The following MEIOC variants were observed in gnomAD, a reference collection of about 807,000 sequenced individuals.
The protein encoded by MEIOC is meiosis specific with coiled-coil domain.
A neutral mutation model predicts 85.3 loss-of-function variants in MEIOC; 9 were observed. That is an observed-to-expected ratio of 0.11 (90% CI 0.06 to 0.18). The LOEUF (loss-of-function observed/expected upper bound fraction) is 0.18, where lower values mean the gene tolerates loss of function less well. MEIOC is among the 10% of genes least tolerant of loss of function. The pLI, the probability that MEIOC is intolerant of heterozygous loss-of-function variation, is 1.00. For synonymous variants in MEIOC, 365 were observed against 393.7 expected (o/e 0.93, Z 0.86); for missense variants, 898 against 1,129.4 (o/e 0.80, Z 2.94).
chr17:44,662,183 A>T, intron 2 of MEIOC, 134 bp from the exon 3 acceptor site: 1 of 713,012 alleles, frequency 1.4e-6, no homozygotes, highest in South Asian at 2.0e-5. Flanking sequence ...AAGCAAGCTT[A>T]AGTCACTAAG....
At chr17:44,669,726 G>A (rs941634431) in intron 6 of MEIOC, 1 of 481,848 alleles carries the variant, frequency 2.1e-6, no homozygotes, top group African/African-American at 2.0e-5. Flanking sequence ...TGGGGGTGGT[G>A]GCATGCGCCT....
chr17:44,674,005 G>A lies in MEIOC; in HGVS notation c.2668G>A (p.Glu890Lys). 1.3e-6 allele frequency: 2 copies of A among 1,551,606 alleles called. No homozygotes were observed. The highest frequency in any genetic ancestry group is 1.7e-6 in the Non-Finnish European group (2 of 1,146,934). The change falls in exon 8 of 8, where the codon GAG becomes AAG. Residue 890 changes from glutamate to lysine, a missense_variant. Around this residue, in one of 2 missense-constraint regions of MEIOC, gnomAD observed 164 missense variants for 269.2 expected, o/e 0.61. Coordinates refer to ENST00000409122, the MANE Select transcript of MEIOC (RefSeq NM_001145080.3). Reference sequence around the variant, plus strand: ...TTTTGCCCTTGCTTCTGCAATTAAAGAGATGTGTGTGGCTACTCGGAAAAC... The same window carrying A: ...TTTTGCCCTTGCTTCTGCAATTAAAAAGATGTGTGTGGCTACTCGGAAAAC... Reference protein sequence around the residue: ...DVFALASAIKEMCVATRKTRT... With the variant: ...DVFALASAIKKMCVATRKTRT...
intron 2 of MEIOC, 42 bp downstream of exon 2, chr17:44,657,303 A>G (rs1971776325): frequency 6.5e-7 from 1 of 1,533,272 alleles, no homozygotes; most frequent in Non-Finnish European, 8.8e-7. Flanking sequence ...ATTTATTCTC[A>G]AATGGATTTA....
At chr17:44,656,780 G>A (rs1405979755) in intron 1 of MEIOC, 98 bp downstream of exon 1, 1 of 835,694 alleles carries the variant, frequency 1.2e-6, no homozygotes, top group Non-Finnish European at 1.7e-6. Flanking sequence ...TAGACGGGGC[G>A]GCAGAGGCGG....
rs1487700403 is a variant in MEIOC at position 44,662,498 on chromosome 17, T to C, written c.359+27T>C. 3 of 1,440,704 alleles carry C rather than the reference T, an allele frequency of 2.1e-6. No homozygotes were observed. In the Admixed American group the frequency reaches 7.7e-5, roughly 37 times the overall value. 89.2% of individuals were successfully genotyped at this position (1,440,704 alleles called of 1,614,324 possible). The stretch of plus-strand genomic sequence containing the variant: ...TAAATTAATTCATTTCTCAAGGTAA[T>C]TGAGGTATTTTTAAATTTAATTACA... On this transcript the variant is annotated intron_variant, in intron 3 of 7. Coordinates refer to ENST00000409122, the MANE Select transcript of MEIOC (RefSeq NM_001145080.3).
At chr17:44,658,966 CAT>C (rs376933570) in intron 2 of MEIOC, among the ~76,000 whole-genome samples, 25 of 151,452 alleles carry the variant, frequency 1.7e-4, no homozygotes, top group African/African-American at 5.6e-4. Context: ...TTGGTACAAA[CAT>C]ATTTTTGATA....
intron 3 of MEIOC, 140 bp from the exon 4 acceptor site, chr17:44,665,244 T>G: frequency 5.6e-6 from 5 of 899,042 alleles, no homozygotes; most frequent in Non-Finnish European, 7.4e-6. Flanking sequence ...GAAAATATTC[T>G]TGAGTTCTAG....
chr17:44,656,645 GCCCTCAC>G lies in MEIOC; in HGVS notation c.39_45del (p.His13GlnfsTer3). 1 of 1,489,088 alleles carries G rather than the reference GCCCTCAC, an allele frequency of 6.7e-7. No individual in the cohort carries two copies. Among genetic ancestry groups the G allele is most frequent in the Non-Finnish European group, 8.9e-7 (1 of 1,118,734 alleles). The allele number at this position is 1,489,088 out of a possible 1,614,324, so 92.2% of individuals were successfully genotyped here. ...GTGAGACGCGGAGACACCTGCCCGC[GCCCTCAC>G]CCCTCAGGCCTGAGGGAGGAAGGAC... On this transcript the variant is annotated frameshift_variant, in exon 1 of 8. Transcript: ENST00000409122. LOFTEE classifies it high-confidence loss of function.
intron 4 of MEIOC, 118 bp from the exon 5 acceptor site, chr17:44,666,258 T>C: frequency 1.3e-6 from 1 of 797,638 alleles, no homozygotes; most frequent in Non-Finnish European, 1.9e-6. Flanking sequence ...TTGAAAGGGA[T>C]TAGAGAATGG....
intron 3 of MEIOC, 49 bp downstream of exon 3, chr17:44,662,520 T>C: frequency 7.7e-7 from 1 of 1,292,758 alleles, no homozygotes. Context: ...TAAATTTAAT[T>C]ACATAGGAAC....
chr17:44,665,948 C>T (rs1971897496), intron 4 of MEIOC, among the ~76,000 whole-genome samples: 1 of 151,928 alleles, frequency 6.6e-6, no homozygotes, highest in Non-Finnish European at 1.5e-5. Flanking sequence ...AAGTATGTAG[C>T]ACACATATAA....
chr17:44,668,083 G>A lies in MEIOC; in HGVS notation c.2172G>A (p.Met724Ile), dbSNP rs374249223. ...GCCATTTGTACCCTTATTTTAATAT[G>A]ATGTATGGTGATAATTCTTTTTCTG... ...DLSHLYPYFNMMYGDNSFSGL... is the reference protein window; with the variant it reads ...DLSHLYPYFNIMYGDNSFSGL... Residue 724 changes from methionine to isoleucine, a missense_variant, in exon 5 of 8, where the codon ATG becomes ATA. By Grantham distance (10) the Met-to-Ile change is conservative. Coordinates refer to ENST00000409122, the MANE Select transcript of MEIOC (RefSeq NM_001145080.3). 1.2e-6 allele frequency: 2 copies of A among 1,613,462 alleles called. No homozygotes were observed. Among genetic ancestry groups the A allele is most frequent in the South Asian group, 1.1e-5 (1 of 91,030 alleles).
chr17:44,671,365 A>T (rs1257906926), intron 6 of MEIOC: 1 of 152,090 alleles, frequency 6.6e-6, no homozygotes, highest in African/African-American at 2.4e-5. Flanking sequence ...GGATATGTTT[A>T]TGCCTGTTAT....
intron 2 of MEIOC, among the ~76,000 whole-genome samples, chr17:44,660,519 G>A (rs1157569140): frequency 1.3e-5 from 2 of 152,080 alleles, no homozygotes; most frequent in African/African-American, 4.8e-5. Context: ...TTACAGGTGT[G>A]AGCCACTGCG....
intron 3 of MEIOC, among the ~76,000 whole-genome samples, chr17:44,664,316 C>T (rs1164735008): frequency 6.6e-6 from 1 of 152,056 alleles, no homozygotes; most frequent in East Asian, 1.9e-4. Context: ...GAGCAGAGAT[C>T]GCGCCATTGC....
chr17:44,661,472 G>C (rs1403542182), intron 2 of MEIOC, among the ~76,000 whole-genome samples: 1 of 152,038 alleles, frequency 6.6e-6, no homozygotes, highest in Admixed American at 6.6e-5. Flanking sequence ...GATAATATAT[G>C]TGAAATTTAT....
At chr17:44,671,628 C>T (rs757006658) in intron 6 of MEIOC, among the ~76,000 whole-genome samples, 4 of 150,232 alleles carry the variant, frequency 2.7e-5, no homozygotes, top group Non-Finnish European at 5.9e-5. Context: ...ACATTTTCGC[C>T]GGGCGTGGTG....
chr17:44,673,553 A>G lies in MEIOC; in HGVS notation c.2638+7A>G, dbSNP rs1167579841. ...AGATGCCAAGATGACAGAGGTACAAATATTAATGCATATTCTTGTGATAAG... is the reference window on the plus strand; with the variant it reads ...AGATGCCAAGATGACAGAGGTACAAGTATTAATGCATATTCTTGTGATAAG... On this transcript the variant is annotated splice_region_variant and intron_variant, in intron 7 of 7. Coordinates refer to ENST00000409122, the MANE Select transcript of MEIOC (RefSeq NM_001145080.3). The G allele has an allele frequency of 2.9e-5, 44 of 1,531,350 alleles. No homozygotes were observed. Among genetic ancestry groups the G allele is most frequent in the Non-Finnish European group, 3.6e-5 (41 of 1,136,976 alleles). The allele number at this position is 1,531,350 out of a possible 1,614,324, so 94.9% of individuals were successfully genotyped here. A position where few individuals can be genotyped will look rare whatever the true frequency, so the allele number is the denominator to read the frequency against.
intron 7 of MEIOC, 25 bp from the exon 8 acceptor site, chr17:44,673,951 A>G (rs1346762910): frequency 6.5e-7 from 1 of 1,543,908 alleles, no homozygotes; most frequent in Non-Finnish European, 8.8e-7. Context: ...TTAATATGAA[A>G]TGACCCTGAA....
Sources: gnomAD v4.1 joint callset for allele counts (sites outside exome capture counted in the v4.1 genomes callset) on GRCh38, gnomAD v4.1.1 for gene constraint, gnomAD v4.1.1 regional missense constraint, MANE v1.5 for transcripts, NCBI Gene and HGNC (gene_info 2026-07-23, HGNC 2026-07-21) for gene names.